Variants in PRR22 observed in about 807,000 individuals in gnomAD.
The protein encoded by PRR22 is proline rich 22, also known as proline-rich protein 22.
Under a neutral mutation model 7.2 loss-of-function variants are expected in PRR22, and 5 were observed. The observed-to-expected ratio is 0.69, with a 90% CI of 0.36 to 1.45. The LOEUF is 1.45. PRR22 is among the 40% of genes most tolerant of loss of function. The pLI is 0.03. For synonymous variants in PRR22, 319 were observed against 269.3 expected (o/e 1.18, Z -1.81); for missense variants, 619 against 568.8 (o/e 1.09, Z -0.90).
Position 5,783,193 on chromosome 19 carries a change from C to T in PRR22, c.1054G>A (p.Val352Ile), listed in dbSNP as rs141523479. The T allele has an allele frequency of 2.0e-5, 32 of 1,612,610 alleles. 1 individual carries two copies. The Middle Eastern group carries it at 4.9e-4, about 25-fold the overall frequency. The change falls in exon 3 of 3, where the codon GTT becomes ATT. Residue 352 changes from valine to isoleucine, a missense_variant. Transcript: ENST00000419421. Reference protein sequence around the residue: ...VPEILDTVSNVDYFFNFKALD... With the variant: ...VPEILDTVSNIDYFFNFKALD... Reference sequence around the variant, plus strand: ...GCCTTGAAGTTGAAGAAGTAGTCAACGTTGGACACGGTGTCCAGGATCTCA... The same window carrying T: ...GCCTTGAAGTTGAAGAAGTAGTCAATGTTGGACACGGTGTCCAGGATCTCA...
chr19:5,783,759 G>A lies in PRR22; in HGVS notation c.488C>T (p.Ala163Val). The change falls in exon 3 of 3, where the codon GCA (alanine) becomes GTA (valine). Residue 163 changes from alanine (A) to valine (V), a missense_variant. Coordinates refer to ENST00000419421, the MANE Select transcript of PRR22 (RefSeq NM_001134316.2). ...GPEALGFVGD[A>V]GPAAFVELPL... ...CAGCTCCACGAAGGCGGCGGGCCCTGCGTCCCCCACAAAACCCAGAGCCTC... is the reference window on the plus strand; with the variant it reads ...CAGCTCCACGAAGGCGGCGGGCCCTACGTCCCCCACAAAACCCAGAGCCTC... 1.3e-6 allele frequency: 2 copies of A among 1,487,032 alleles called. No homozygotes were observed. Among genetic ancestry groups the A allele is most frequent in the South Asian group, 2.8e-5 (2 of 72,716 alleles). 92.1% of individuals were successfully genotyped at this position (1,487,032 alleles called of 1,614,324 possible). A position where few individuals can be genotyped will look rare whatever the true frequency, so the allele number is the denominator to read the frequency against.
Position 5,783,138 on chromosome 19 carries a change from C to T in PRR22, c.1109G>A (p.Gly370Glu). The T allele has an allele frequency of 6.2e-7, 1 of 1,612,516 alleles. No individual in the cohort carries two copies. The highest frequency in any genetic ancestry group is 8.5e-7 in the Non-Finnish European group (1 of 1,179,876). ...ALDEEQPPHP[G>E]PPATNTPAPI... Reference sequence around the variant, plus strand: ...GGCCGGGGTGTTGGTGGCAGGGGGCCCCGGGTGGGGCGGCTGCTCCTCGTC... The same window carrying T: ...GGCCGGGGTGTTGGTGGCAGGGGGCTCCGGGTGGGGCGGCTGCTCCTCGTC... Residue 370 changes from glycine to glutamate, a missense_variant, in exon 3 of 3, where the codon GGG becomes GAG. Coordinates refer to ENST00000419421, the MANE Select transcript of PRR22 (RefSeq NM_001134316.2).
At position 5,783,957 on chromosome 19, in the gene PRR22, A is replaced by C. The variant is rs941048110; in HGVS notation, c.290T>G (p.Leu97Arg). 6.2e-7 allele frequency: 1 copy of C among 1,601,894 alleles called. No homozygotes were observed. The highest frequency in any genetic ancestry group is 8.5e-7 in the Non-Finnish European group (1 of 1,175,056). Residue 97 changes from leucine (L) to arginine (R), a missense_variant, in exon 3 of 3, where the codon CTG becomes CGG. By Grantham distance (102) the Leu-to-Arg change is moderately radical (BLOSUM62 -2). Coordinates refer to ENST00000419421, the MANE Select transcript of PRR22 (RefSeq NM_001134316.2). ...PDLGQSALYK[L>R]AASSGGPAGV... ...CGCTGGCCCCCCGCTGCTTGCTGCC[A>C]GCTTATACAGGGCTGACTGGCCCAG...
intron 2 of PRR22, 128 bp downstream of exon 2, chr19:5,784,249 C>T (rs765457649): frequency 1.5e-5 from 17 of 1,137,008 alleles, no homozygotes; most frequent in Non-Finnish European, 2.3e-5. Flanking sequence ...ATCTGGGGGA[C>T]CTGTGTGAAG....
chr19:5,783,275 A>G lies in PRR22; in HGVS notation c.972T>C (p.Asp324=). The change falls in exon 3 of 3, where the codon GAT becomes GAC. Residue 324 remains aspartate (D), a synonymous_variant. Transcript: ENST00000419421. ...LPDSSGGNSA[D]DIRSLCLPEE... ...CGGGCAGGCACAGCGAGCGGATGTC[A>G]TCGGCTGAGTTCCCACCACTGCTGT... 6.2e-7 allele frequency: 1 copy of G among 1,612,866 alleles called. No individual in the cohort carries two copies. The highest frequency in any genetic ancestry group is 1.1e-5 in the South Asian group (1 of 91,090).
chr19:5,783,505 G>T lies in PRR22; in HGVS notation c.742C>A (p.Pro248Thr). The T allele has an allele frequency of 6.2e-7, 1 of 1,603,360 alleles. No individual in the cohort carries two copies. The highest frequency in any genetic ancestry group is 8.5e-7 in the Non-Finnish European group (1 of 1,175,612). The change falls in exon 3 of 3, where the codon CCG (proline) becomes ACG (threonine). Residue 248 changes from proline to threonine, a missense_variant. Coordinates refer to ENST00000419421, the MANE Select transcript of PRR22 (RefSeq NM_001134316.2). ...GCCACCTTGAGCTCGCTGAGGCCCG[G>T]TGGGTACAGGGGCACCCCAGGTCGG... ...GARPGVPLYP[P>T]GLSELKVAEV... is the part of the protein sequence containing the mutation.
chr19:5,784,174 G>A (rs753967174), intron 2 of PRR22, 121 bp from the exon 3 acceptor site: 11 of 1,094,132 alleles, frequency 1.0e-5, no homozygotes, highest in East Asian at 7.1e-5. Context: ...TTTGGGGGAC[G>A]ACATAGATAT....
chr19:5,784,175 A>T, intron 2 of PRR22, 122 bp from the exon 3 acceptor site: 1 of 1,090,330 alleles, frequency 9.2e-7, no homozygotes, highest in Admixed American at 1.7e-5. Context: ...TTGGGGGACG[A>T]CATAGATATT....
rs1321963335 is a variant in PRR22, at chr19:5,783,590, G to A, written c.657C>T (p.Gly219=). The change falls in exon 3 of 3, where the codon GGC becomes GGT. Residue 219 remains glycine (G), a synonymous_variant. Transcript: ENST00000419421. The stretch of plus-strand genomic sequence containing the variant: ...CCAGGGGTTCGGGCCCAGGGAAGTG[G>A]CCGAGGTGACCCTGGAGGTGGCTGT... ...DAYSHLQGHL[G]HFPGPEPLAF... 12 of 1,607,230 alleles carry A rather than the reference G, an allele frequency of 7.5e-6. No homozygotes were observed. Among genetic ancestry groups the A allele is most frequent in the Non-Finnish European group, 1.0e-5 (12 of 1,178,104 alleles).
intron 2 of PRR22, 101 bp downstream of exon 2, chr19:5,784,276 C>A: frequency 7.7e-7 from 1 of 1,295,426 alleles, no homozygotes; most frequent in South Asian, 1.2e-5. Flanking sequence ...GAGCAGAGGC[C>A]ATGCCTTCAG....
At position 5,782,997 on chromosome 19, in the gene PRR22, A is replaced by C. The variant is rs1297453949; in HGVS notation, c.1250T>G (p.Leu417Arg). 1 of 1,527,240 alleles carries C rather than the reference A, an allele frequency of 6.5e-7. No homozygotes were observed. Among genetic ancestry groups the C allele is most frequent in the Non-Finnish European group, 8.8e-7 (1 of 1,141,418 alleles). 94.6% of individuals were successfully genotyped at this position (1,527,240 alleles called of 1,614,324 possible). The change falls in exon 3 of 3, where the codon CTG becomes CGG. Residue 417 changes from leucine to arginine, a missense_variant. Leu to Arg is a moderately radical substitution (Grantham distance 102, BLOSUM62 -2). Transcript: ENST00000419421. ...SATPPGPRED[L>R]GATPH ...TGTGCTTTAATGCGGGGTGGCTCCC[A>C]GGTCCTCCCTGGGCCCCGGGGGAGT... is the stretch of plus-strand genomic sequence containing the variant.
Position 5,783,171 on chromosome 19 carries a change from T to G in PRR22, c.1076A>C (p.Lys359Thr). 1 of 1,612,628 alleles carries G rather than the reference T, an allele frequency of 6.2e-7. No homozygotes were observed. The highest frequency in any genetic ancestry group is 8.5e-7 in the Non-Finnish European group (1 of 1,179,900). The change falls in exon 3 of 3, where the codon AAG becomes ACG. Residue 359 changes from lysine to threonine, a missense_variant. Transcript: ENST00000419421. ...VSNVDYFFNF[K>T]ALDEEQPPHP... ...GGGCGGCTGCTCCTCGTCGAGCGCC[T>G]TGAAGTTGAAGAAGTAGTCAACGTT...
At position 5,784,742 on chromosome 19, in the gene PRR22, A is replaced by C. The variant is rs1388316982; in HGVS notation, c.-82T>G. The C allele has an allele frequency of 6.1e-6, 9 of 1,478,066 alleles. No homozygotes were observed. Among genetic ancestry groups the C allele is most frequent in the African/African-American group, 1.4e-5 (1 of 71,776 alleles). The allele number at this position is 1,478,066 out of a possible 1,614,324, so 91.6% of individuals were successfully genotyped here. A position where few individuals can be genotyped will look rare whatever the true frequency, so the allele number is the denominator to read the frequency against. On this transcript the variant is annotated 5_prime_UTR_variant, in exon 1 of 3. Coordinates refer to ENST00000419421, the MANE Select transcript of PRR22 (RefSeq NM_001134316.2). ...TGGCCCAACCGGAGAACAGGCTGAGAACCTGGTGGGGTTCTGTTTGCCTGG... is the reference window on the plus strand; with the variant it reads ...TGGCCCAACCGGAGAACAGGCTGAGCACCTGGTGGGGTTCTGTTTGCCTGG...
intron 2 of PRR22, 25 bp from the exon 3 acceptor site, chr19:5,784,078 G>A (rs1599613487): frequency 6.3e-7 from 1 of 1,598,236 alleles, no homozygotes; most frequent in Non-Finnish European, 8.6e-7. Flanking sequence ...CGGGTGCCCT[G>A]AGAGCAGCTG....
rs1035388661 is a variant in PRR22, at chr19:5,784,626, G to T, written c.35C>A (p.Ala12Asp). 3.3e-6 allele frequency: 5 copies of T among 1,536,610 alleles called. No homozygotes were observed. The highest frequency in any genetic ancestry group is 4.4e-6 in the Non-Finnish European group (5 of 1,146,824). Residue 12 changes from alanine to aspartate, a missense_variant, in exon 1 of 3, where the codon GCT (alanine) becomes GAT (aspartate). Transcript: ENST00000419421. ...CTGCGGGCTGAAACCTTCCTGGGGA[G>T]CTGCAGGGGCACAGAACGGTTTGGG... ...QHPKPFCAPA[A>D]PQEGFSPQSL...
rs2056807161 is a variant in PRR22, at chr19:5,782,961, G to A, written c.*17C>T. 2 of 1,492,908 alleles carry A rather than the reference G, an allele frequency of 1.3e-6. No individual in the cohort carries two copies. The highest frequency in any genetic ancestry group is 2.8e-5 in the South Asian group (2 of 72,680). 92.5% of individuals were successfully genotyped at this position (1,492,908 alleles called of 1,614,324 possible). A position where few individuals can be genotyped will look rare whatever the true frequency, so the allele number is the denominator to read the frequency against. The stretch of plus-strand genomic sequence containing the variant: ...AAGGCCCCCACGTGGACATGGAGCT[G>A]AAAGGTCAAATGTGCTTTAATGCGG... On this transcript the variant is annotated 3_prime_UTR_variant, in exon 3 of 3. Transcript: ENST00000419421.
At position 5,784,035 on chromosome 19, in the gene PRR22, C is replaced by T; in HGVS notation, c.212G>A (p.Cys71Tyr). ...GATGCGGGGGTCGAAGAAGCACCCG[C>T]ATGGGGCCATCTGGAAACCTGTGGG... ...APPAGFQMAP[C>Y]GCFFDPRIYR... Residue 71 changes from cysteine to tyrosine, a missense_variant, in exon 3 of 3, where the codon TGC becomes TAC. Transcript: ENST00000419421. 1.9e-6 allele frequency: 3 copies of T among 1,611,602 alleles called. No homozygotes were observed. The highest frequency in any genetic ancestry group is 2.5e-6 in the Non-Finnish European group (3 of 1,179,358).
intron 2 of PRR22, 84 bp from the exon 3 acceptor site, chr19:5,784,137 A>G: frequency 7.4e-7 from 1 of 1,345,802 alleles, no homozygotes; most frequent in Non-Finnish European, 1.1e-6. Context: ...GGGAGATGCC[A>G]CAAGAACCTT....
Position 5,784,371 on chromosome 19 carries a change from CG to C in PRR22, c.193+5del. Reference sequence around the variant, plus strand: ...GCCTCGTCAAGGGCTCAGGGGAGGCCGGTACCTGCTGGTGGGGCTGGAAACA... The same window carrying C: ...GCCTCGTCAAGGGCTCAGGGGAGGCCGTACCTGCTGGTGGGGCTGGAAACA... On this transcript the variant is annotated splice_donor_5th_base_variant and intron_variant, in intron 2 of 2. Coordinates refer to ENST00000419421, the MANE Select transcript of PRR22 (RefSeq NM_001134316.2). 1 of 1,609,848 alleles carries C rather than the reference CG, an allele frequency of 6.2e-7. No homozygotes were observed. The highest frequency in any genetic ancestry group is 8.5e-7 in the Non-Finnish European group (1 of 1,178,362).
Sources: gnomAD v4.1 joint callset for allele counts on GRCh38, gnomAD v4.1.1 for gene constraint, MANE v1.5 for transcripts, NCBI Gene and HGNC (gene_info 2026-07-23, HGNC 2026-07-21) for gene names.